TMCC1: variants seen among roughly 807,000 people sequenced by gnomAD.
The protein encoded by TMCC1 is transmembrane and coiled-coil domains protein 1.
Under a neutral mutation model 52.4 loss-of-function variants are expected in TMCC1, and 15 were observed. The observed-to-expected ratio is 0.29, with a 90% CI of 0.19 to 0.44. The LOEUF is 0.44. TMCC1 is among the 20% of genes least tolerant of loss of function. The pLI is 1.00. For missense variants in TMCC1, 503 were observed against 806.0 expected (o/e 0.62, Z 4.55); for synonymous variants, 279 against 301.9 (o/e 0.92, Z 0.79).
chr3:129,760,573 GT>G (rs935514651), intron 4 of TMCC1, among the ~76,000 whole-genome samples: 1 of 151,632 alleles, frequency 6.6e-6, no homozygotes, highest in Admixed American at 6.6e-5. Flanking sequence ...CGCCTCCCGG[GT>G]TCACGCCATT....
At chr3:129,687,229 C>T (rs1161783096) in intron 4 of TMCC1, among the ~76,000 whole-genome samples, 3 of 151,902 alleles carry the variant, frequency 2.0e-5, no homozygotes, top group South Asian at 2.1e-4. Flanking sequence ...CTTGGCTCTC[C>T]GAGATAGGAA....
intron 4 of TMCC1, among the ~76,000 whole-genome samples, chr3:129,751,647 C>T (rs367617108): frequency 1.1e-3 from 167 of 152,098 alleles, no homozygotes; most frequent in African/African-American, 3.4e-3. Flanking sequence ...CTGCAACCTC[C>T]GGCCCTGTGT....
Position 129,893,698 on chromosome 3 carries a change from A to G in TMCC1, c.-639T>C, listed in dbSNP as rs935553699. 2.0e-5 allele frequency: 3 copies of G among 148,282 alleles called. No homozygotes were observed. Among genetic ancestry groups the G allele is most frequent in the African/African-American group, 7.4e-5 (3 of 40,730 alleles). The allele number at this position is 148,282 out of a possible 1,614,324, so 9.2% of individuals were successfully genotyped here. On this transcript the variant is annotated 5_prime_UTR_variant, in exon 1 of 7. Coordinates refer to ENST00000393238, the MANE Select transcript of TMCC1 (RefSeq NM_001017395.5). The stretch of plus-strand genomic sequence containing the variant: ...GCCTCAGCCCCGGCGCGGGAGGGCG[A>G]ACCGGCGCGAGAGAGCGAGCGCGCG...
At chr3:129,788,662 G>T (rs2107742700) in intron 4 of TMCC1, among the ~76,000 whole-genome samples, 1 of 151,974 alleles carries the variant, frequency 6.6e-6, no homozygotes, top group African/African-American at 2.4e-5. Flanking sequence ...TAGAGACGGG[G>T]TTTCACCGTG....
At chr3:129,728,108 T>C (rs745432494) in intron 4 of TMCC1, among the ~76,000 whole-genome samples, 1 of 152,172 alleles carries the variant, frequency 6.6e-6, no homozygotes, top group African/African-American at 2.4e-5. Flanking sequence ...TATTGAATAA[T>C]TCTTATTATG....
At chr3:129,661,271 C>T (rs2087006741) in intron 5 of TMCC1, among the ~76,000 whole-genome samples, 1 of 152,082 alleles carries the variant, frequency 6.6e-6, no homozygotes, top group African/African-American at 2.4e-5. Flanking sequence ...ACAAAAAATA[C>T]AAAAATTAGC....
intron 4 of TMCC1, among the ~76,000 whole-genome samples, chr3:129,788,812 T>C (rs2056237498): frequency 6.6e-6 from 1 of 152,104 alleles, no homozygotes; most frequent in African/African-American, 2.4e-5. Flanking sequence ...TCATCAATCT[T>C]CCTATTCTGG....
chr3:129,811,159 A>T (rs1365656052), intron 4 of TMCC1, among the ~76,000 whole-genome samples: 1 of 152,242 alleles, frequency 6.6e-6, no homozygotes, highest in East Asian at 1.9e-4. Context: ...GGTTATATTG[A>T]TCAGTTACTC....
At position 129,726,896 on chromosome 3, in the gene TMCC1, A is replaced by AAAAAG. The variant is rs2050147551; in HGVS notation, c.577-55633_577-55632insCTTTT. On this transcript the variant is annotated intron_variant, in intron 4 of 6. Transcript: ENST00000393238. ...AAAAAAAAAAAAAAAAAAAAAAAAA[A>AAAAAG]AAGAACCACTGTTCAAACCAAACAT... Among the ~76,000 whole-genome samples, 3 of 143,466 alleles carry AAAAAG rather than the reference A, an allele frequency of 2.1e-5. 1 individual carries two copies. The highest frequency in any genetic ancestry group is 2.6e-5 in the African/African-American group (1 of 38,768). 94.1% of individuals were successfully genotyped at this position (143,466 alleles called of 152,430 possible).
intron 5 of TMCC1, among the ~76,000 whole-genome samples, chr3:129,668,919 C>G (rs2087688974): frequency 6.6e-6 from 1 of 152,218 alleles, no homozygotes; most frequent in African/African-American, 2.4e-5. Flanking sequence ...GCCACTGTGC[C>G]CAGCCATACT....
chr3:129,694,982 A>G (rs1377078168), intron 4 of TMCC1, among the ~76,000 whole-genome samples: 2 of 150,274 alleles, frequency 1.3e-5, no homozygotes, highest in Non-Finnish European at 3.0e-5. Context: ...TAACATTTGG[A>G]GATATTTGGG....
intron 4 of TMCC1, among the ~76,000 whole-genome samples, chr3:129,712,145 C>T (rs2048748421): frequency 1.3e-5 from 2 of 152,076 alleles, no homozygotes; most frequent in Non-Finnish European, 2.9e-5. Context: ...CCACTGCACT[C>T]CAGGCTGTGC....
intron 5 of TMCC1, among the ~76,000 whole-genome samples, chr3:129,658,567 T>C (rs929599416): frequency 6.6e-6 from 1 of 152,262 alleles, no homozygotes; most frequent in Non-Finnish European, 1.5e-5. Context: ...GACTCGGCTT[T>C]GACCTTACCT....
chr3:129,775,349 A>G (rs1206018406), intron 4 of TMCC1, among the ~76,000 whole-genome samples: 1 of 152,120 alleles, frequency 6.6e-6, no homozygotes, highest in East Asian at 1.9e-4. Flanking sequence ...CTGCAGTTTC[A>G]GCTACTTGGG....
Position 129,828,435 on chromosome 3 carries a change from A to G in TMCC1, c.-57T>C, listed in dbSNP as rs1577008876. On this transcript the variant is annotated 5_prime_UTR_variant, in exon 4 of 7. Coordinates refer to ENST00000393238, the MANE Select transcript of TMCC1 (RefSeq NM_001017395.5). The surrounding 1 kb of genome is among the most constrained non-coding windows in gnomAD (Gnocchi z 4.1). ...AAAAAAATTTTTTAAACACACCAAG[A>G]GTGTCAAATTAGGTAGGCATTTGCT... The G allele has an allele frequency of 3.9e-6, 6 of 1,530,128 alleles. No individual in the cohort carries two copies. Among genetic ancestry groups the G allele is most frequent in the Non-Finnish European group, 5.3e-6 (6 of 1,127,722 alleles). 94.8% of individuals were successfully genotyped at this position (1,530,128 alleles called of 1,614,324 possible).
At chr3:129,841,568 G>A (rs1039228539) in intron 2 of TMCC1, among the ~76,000 whole-genome samples, 2 of 152,156 alleles carry the variant, frequency 1.3e-5, no homozygotes, top group African/African-American at 2.4e-5. Context: ...GGGCAACAGA[G>A]TGAGACTCCC....
intron 4 of TMCC1, among the ~76,000 whole-genome samples, chr3:129,770,859 A>T (rs2054515777): frequency 6.6e-6 from 1 of 152,262 alleles, no homozygotes; most frequent in Non-Finnish European, 1.5e-5. Flanking sequence ...AAAAAGACTG[A>T]GTACAGTTAG....
In TMCC1 at chr3:129,651,293, T is replaced by A. The variant is rs2086305346; in HGVS notation, c.*188A>T. On this transcript the variant is annotated 3_prime_UTR_variant, in exon 7 of 7. Coordinates refer to ENST00000393238, the MANE Select transcript of TMCC1 (RefSeq NM_001017395.5). This position sits in a 1 kb window ranked among gnomAD's most constrained non-coding sequence, Gnocchi z 5.1. ...ATCCAAGATTTTCGCCCAAAAAACT[T>A]CTTGGATAAAATCTAAAAAATACTA... The A allele has an allele frequency of 8.8e-6, 6 of 678,992 alleles. No individual in the cohort carries two copies. In the South Asian group the frequency reaches 1.5e-4, roughly 17 times the overall value. The allele number at this position is 678,992 out of a possible 1,614,324, so 42.1% of individuals were successfully genotyped here. A position where few individuals can be genotyped will look rare whatever the true frequency, so the allele number is the denominator to read the frequency against.
intron 5 of TMCC1, among the ~76,000 whole-genome samples, chr3:129,669,131 C>CTCT (rs1245805186): frequency 2.0e-5 from 3 of 152,200 alleles, no homozygotes; most frequent in African/African-American, 7.2e-5. Context: ...GCTGCTGTAA[C>CTCT]TCTTCTTAGA....
Sources: allele counts gnomAD v4.1 joint callset (sites outside exome capture counted in the v4.1 genomes callset), GRCh38; gene constraint gnomAD v4.1.1; non-coding constraint Gnocchi (gnomAD v3.1); transcripts MANE v1.5; gene names NCBI Gene and HGNC (gene_info 2026-07-23, HGNC 2026-07-21).